AFG1L: variants seen among roughly 807,000 people sequenced by gnomAD.
AFG1L encodes the protein AFG1-like ATPase.
In AFG1L, 53 loss-of-function variants were observed where a neutral mutation model predicts 62.2. The observed-to-expected ratio is 0.85, with a 90% CI of 0.68 to 1.07. The LOEUF is 1.07. Among genes scored for constraint, AFG1L ranks in the 50% least tolerant of loss-of-function variants. The pLI, the probability that AFG1L is intolerant of heterozygous loss-of-function variation, is 0.00. For missense variants in AFG1L, 555 were observed against 590.5 expected, an observed-to-expected ratio of 0.94 and a Z score of 0.62; for synonymous variants, 228 against 210.3, an observed-to-expected ratio of 1.08 and a Z score of -0.73.
intron 1 of AFG1L, among the ~76,000 whole-genome samples, chr6:108,302,994 C>G (rs533336119): frequency 6.6e-6 from 1 of 152,064 alleles, no homozygotes; most frequent in African/African-American, 2.4e-5. Flanking sequence ...CCCACTGCAA[C>G]CTCCGCCTCC....
chr6:108,443,386 G>A (rs1474330495), intron 7 of AFG1L, among the ~76,000 whole-genome samples: 1 of 152,158 alleles, frequency 6.6e-6, no homozygotes, highest in Non-Finnish European at 1.5e-5. Context: ...TGCCTCAAGT[G>A]TCACCTAGGA....
At chr6:108,296,204 A>G (rs974239113) in intron 1 of AFG1L, among the ~76,000 whole-genome samples, 1 of 152,200 alleles carries the variant, frequency 6.6e-6, no homozygotes, top group South Asian at 2.1e-4. Flanking sequence ...AAAGATTAGC[A>G]TAATGCATTT....
At chr6:108,379,305 C>T (rs765655882) in intron 6 of AFG1L, among the ~76,000 whole-genome samples, 7 of 152,082 alleles carry the variant, frequency 4.6e-5, no homozygotes, top group Non-Finnish European at 8.8e-5. Context: ...CCACCGCGCC[C>T]GGCTGCCCTA....
At chr6:108,378,845 T>A (rs1327806751) in intron 6 of AFG1L, among the ~76,000 whole-genome samples, 4 of 151,534 alleles carry the variant, frequency 2.6e-5, no homozygotes, top group Admixed American at 2.6e-4. Flanking sequence ...CCCTGTAATG[T>A]TGTTGTTATT....
chr6:108,377,073 T>A (rs914917672), intron 6 of AFG1L, among the ~76,000 whole-genome samples: 3 of 152,168 alleles, frequency 2.0e-5, no homozygotes, highest in Admixed American at 6.5e-5. Context: ...TTTCTGCCTT[T>A]TTTTTTGGTT....
At chr6:108,478,376 G>C (rs1033611825) in intron 10 of AFG1L, among the ~76,000 whole-genome samples, 1 of 152,254 alleles carries the variant, frequency 6.6e-6, no homozygotes, top group African/African-American at 2.4e-5. Flanking sequence ...GGCGGAGCCT[G>C]CATTGAGCCG....
intron 7 of AFG1L, among the ~76,000 whole-genome samples, chr6:108,402,308 C>G (rs1370574896): frequency 6.6e-6 from 1 of 150,822 alleles, no homozygotes; most frequent in Non-Finnish European, 1.5e-5. Flanking sequence ...ATTAAAGATA[C>G]AAAAATTAGC....
At chr6:108,513,423 C>T (rs982593788) in intron 11 of AFG1L, among the ~76,000 whole-genome samples, 3 of 152,212 alleles carry the variant, frequency 2.0e-5, no homozygotes, top group Admixed American at 6.5e-5. Context: ...CCTAATACTG[C>T]GCTTTTCCAA....
At chr6:108,508,123 A>G (rs946141729) in intron 10 of AFG1L, among the ~76,000 whole-genome samples, 2 of 152,182 alleles carry the variant, frequency 1.3e-5, no homozygotes, top group Admixed American at 6.5e-5. Context: ...CCATTTTACA[A>G]ATGGGAAAAC....
At chr6:108,309,863 C>T (rs1373957850) in intron 1 of AFG1L, among the ~76,000 whole-genome samples, 3 of 152,152 alleles carry the variant, frequency 2.0e-5, no homozygotes, top group Non-Finnish European at 2.9e-5. Flanking sequence ...TTGATGTCAA[C>T]ATCTCTCAGG....
At chr6:108,322,934 A>G (rs1777870992) in intron 1 of AFG1L, among the ~76,000 whole-genome samples, 1 of 152,242 alleles carries the variant, frequency 6.6e-6, no homozygotes, top group East Asian at 1.9e-4. Context: ...AGAGGCCAAA[A>G]ATAGGATCAG....
intron 7 of AFG1L, among the ~76,000 whole-genome samples, chr6:108,432,506 A>G (rs1302837297): frequency 6.6e-6 from 1 of 152,216 alleles, no homozygotes; most frequent in Non-Finnish European, 1.5e-5. Flanking sequence ...TTATCCAAAT[A>G]TAAACCAGAA....
intron 2 of AFG1L, among the ~76,000 whole-genome samples, chr6:108,343,752 G>A (rs1052041561): frequency 6.6e-6 from 1 of 152,156 alleles, no homozygotes; most frequent in Admixed American, 6.6e-5. Flanking sequence ...AGTTTTGGCA[G>A]GAGTAGAAAA....
intron 7 of AFG1L, among the ~76,000 whole-genome samples, chr6:108,421,634 C>T (rs935719009): frequency 2.6e-5 from 4 of 152,062 alleles, no homozygotes; most frequent in African/African-American, 4.8e-5. Flanking sequence ...CCTGCACCCC[C>T]CCTGTCTGCT....
chr6:108,425,467 GA>G (rs1770770987), intron 7 of AFG1L, among the ~76,000 whole-genome samples: 1 of 151,696 alleles, frequency 6.6e-6, no homozygotes, highest in East Asian at 1.9e-4. Context: ...AGGCTCTTTA[GA>G]AACACTTATC....
intron 10 of AFG1L, among the ~76,000 whole-genome samples, chr6:108,501,070 C>T (rs548478105): frequency 5.6e-4 from 85 of 152,050 alleles, no homozygotes; most frequent in African/African-American, 1.7e-3. Context: ...CTCCGCTCAC[C>T]GCAACCTCTG....
chr6:108,375,609 C>G (rs1453871574), intron 6 of AFG1L, among the ~76,000 whole-genome samples: 3 of 152,008 alleles, frequency 2.0e-5, no homozygotes, highest in East Asian at 3.9e-4. Context: ...TTAATTCTGT[C>G]TATGTGGTGA....
At chr6:108,416,970 G>A (rs1772091085) in intron 7 of AFG1L, among the ~76,000 whole-genome samples, 1 of 151,864 alleles carries the variant, frequency 6.6e-6, no homozygotes, top group South Asian at 2.1e-4. Context: ...GGGTGTGGTG[G>A]CTCAGACCTG....
At chr6:108,444,335 G>A (rs1459453602) in intron 7 of AFG1L, among the ~76,000 whole-genome samples, 3 of 152,134 alleles carry the variant, frequency 2.0e-5, no homozygotes, top group Non-Finnish European at 4.4e-5. Context: ...TGAACTTTCA[G>A]TGAGTGGTCA....
Sources: gnomAD v4.1 joint callset for allele counts (sites outside exome capture counted in the v4.1 genomes callset) on GRCh38, gnomAD v4.1.1 for gene constraint, MANE v1.5 for transcripts, NCBI Gene and HGNC (gene_info 2026-07-23, HGNC 2026-07-21) for gene names.